The following CNIH3 variants were observed in gnomAD, a reference collection of about 807,000 sequenced individuals.
The protein encoded by CNIH3 is cornichon family AMPA receptor auxiliary protein 3, also known as protein cornichon homolog 3.
A neutral mutation model predicts 24.1 loss-of-function variants in CNIH3; 14 were observed. The ratio of observed to expected loss-of-function variants is 0.58; its 90% CI spans 0.38 to 0.91. The LOEUF is 0.91. Among genes scored for constraint, CNIH3 ranks in the 40% least tolerant of loss-of-function variants. The probability of loss-of-function intolerance (pLI) is 0.00; values close to 1 mark genes in which losing one functional copy is unlikely to be tolerated. For synonymous variants in CNIH3, 68 were observed against 73.8 expected (o/e 0.92, Z 0.40); for missense variants, 178 against 196.8 (o/e 0.90, Z 0.57).
chr1:224,537,658 C>T (rs984540329), downstream of CNIH3: 1 of 152,190 alleles, frequency 6.6e-6, no homozygotes, highest in Non-Finnish European at 1.5e-5. Flanking sequence ...TTAACCTTGG[C>T]AAAATAAACT....
At chr1:224,452,509 C>T (rs530347188) in intron 1 of CNIH3, among the ~76,000 whole-genome samples, 36 of 151,702 alleles carry the variant, frequency 2.4e-4, no homozygotes, top group South Asian at 1.0e-3. Context: ...TGGCCGGGCA[C>T]GGTGGCTCAC....
chr1:224,684,663 G>A lies in CNIH3; in HGVS notation c.151-133G>A, dbSNP rs1686565744. 2.6e-6 allele frequency: 2 copies of A among 759,906 alleles called. No individual in the cohort carries two copies. The highest frequency in any genetic ancestry group is 2.4e-6 in the Non-Finnish European group (1 of 423,420). The allele number at this position is 759,906 out of a possible 1,614,324, so 47.1% of individuals were successfully genotyped here. A position where few individuals can be genotyped will look rare whatever the true frequency, so the allele number is the denominator to read the frequency against. On this transcript the variant is annotated intron_variant, in intron 2 of 5. Transcript: ENST00000272133. The surrounding 1 kb of genome is among the most constrained non-coding windows in gnomAD (Gnocchi z 4.2). ...AGAAAAAGCCACTGGGTGGGAGCAT[G>A]CTGGCCATGTGCCCAGGAGGGGTCT...
At position 224,740,459 on chromosome 1, in the gene CNIH3, C is replaced by T. The variant is rs1689811271; in HGVS notation, c.*1103C>T. The T allele has an allele frequency of 1.3e-5, 2 of 152,166 alleles. No individual in the cohort carries two copies. Among genetic ancestry groups the T allele is most frequent in the Admixed American group, 1.3e-4 (2 of 15,278 alleles). The allele number at this position is 152,166 out of a possible 1,614,324, so 9.4% of individuals were successfully genotyped here. A position where few individuals can be genotyped will look rare whatever the true frequency, so the allele number is the denominator to read the frequency against. On this transcript the variant is annotated 3_prime_UTR_variant, in exon 6 of 6. Transcript: ENST00000272133. ...TACACAGGCTATTTATACACGTCCC[C>T]AGCTCCCATCTGAAACCTGTGACTC...
intron 3 of CNIH3, among the ~76,000 whole-genome samples, chr1:224,716,700 C>T (rs1688447206): frequency 6.6e-6 from 1 of 152,040 alleles, no homozygotes; most frequent in Admixed American, 6.6e-5. Context: ...AACTGGGAGG[C>T]ACTGTGATGG....
chr1:224,598,564 G>T (rs1037874479), intron 3 of CNIH3, among the ~76,000 whole-genome samples: 2 of 152,146 alleles, frequency 1.3e-5, no homozygotes, highest in African/African-American at 4.8e-5. Flanking sequence ...GATCTTTCAC[G>T]AAAGGAAGAG....
chr1:224,662,554 A>G (rs1424146126), intron 1 of CNIH3, among the ~76,000 whole-genome samples: 1 of 152,272 alleles, frequency 6.6e-6, no homozygotes, highest in African/African-American at 2.4e-5. Flanking sequence ...AAACCCAGAA[A>G]AAATATGTTG....
rs12562581 is a variant in CNIH3, at chr1:224,704,063, A to G, written c.198+19220A>G. 0.28 allele frequency among the ~76,000 whole-genome samples: 43,324 copies of G among 152,048 alleles called. 6,405 individuals carry two copies. The highest frequency in any genetic ancestry group is 0.4 in the East Asian group (2,077 of 5,158). Reference sequence around the variant, plus strand: ...CTTTGGTGGAGTGAGAACATGAACTACTGTTCAGGAGGTAGGGGCATGGAC... The same window carrying G: ...CTTTGGTGGAGTGAGAACATGAACTGCTGTTCAGGAGGTAGGGGCATGGAC... On this transcript the variant is annotated intron_variant, in intron 3 of 5. Coordinates refer to ENST00000272133, the MANE Select transcript of CNIH3 (RefSeq NM_152495.2). The surrounding 1 kb of genome is among the most constrained non-coding windows in gnomAD (Gnocchi z 4.2).
chr1:224,557,604 G>A (rs1334312698), intron 3 of CNIH3, among the ~76,000 whole-genome samples: 2 of 152,030 alleles, frequency 1.3e-5, no homozygotes, highest in Non-Finnish European at 2.9e-5. Context: ...CTACAGGCAC[G>A]TGCCACCATG....
chr1:224,564,930 G>A (rs1680520506), intron 3 of CNIH3, among the ~76,000 whole-genome samples: 1 of 152,228 alleles, frequency 6.6e-6, no homozygotes, highest in Non-Finnish European at 1.5e-5. Flanking sequence ...GAAGGTGGAT[G>A]GTTTAGGACC....
intron 4 of CNIH3, chr1:224,574,705 G>A (rs1680961379): frequency 1.7e-6 from 2 of 1,190,404 alleles, no homozygotes; most frequent in Non-Finnish European, 2.5e-6. Flanking sequence ...CTGGTGAAAG[G>A]AGCCTGCCAG....
intron 1 of CNIH3, among the ~76,000 whole-genome samples, chr1:224,637,118 AT>A (rs1177559584): frequency 1.3e-5 from 2 of 151,430 alleles, no homozygotes; most frequent in South Asian, 4.2e-4. Context: ...CGCCTGGCTA[AT>A]TTTTTTTGTA....
At position 224,740,082 on chromosome 1, in the gene CNIH3, A is replaced by G. The variant is rs1689795483; in HGVS notation, c.*726A>G. The G allele has an allele frequency of 6.6e-6, 1 of 152,266 alleles. No individual in the cohort carries two copies. The highest frequency in any genetic ancestry group is 1.5e-5 in the Non-Finnish European group (1 of 68,102). The allele number at this position is 152,266 out of a possible 1,614,324, so 9.4% of individuals were successfully genotyped here. On this transcript the variant is annotated 3_prime_UTR_variant, in exon 6 of 6. Coordinates refer to ENST00000272133, the MANE Select transcript of CNIH3 (RefSeq NM_152495.2). The stretch of plus-strand genomic sequence containing the variant: ...CCTCAAACCATCACAGAGTCTTTAA[A>G]TGCAAATCAATTGGTCAATGCTAGT...
intron 1 of CNIH3, among the ~76,000 whole-genome samples, chr1:224,445,769 A>G (rs1675136096): frequency 6.6e-6 from 1 of 152,100 alleles, no homozygotes; most frequent in African/African-American, 2.4e-5. Flanking sequence ...CCAGTTCATC[A>G]GTTCTCTTTA....
chr1:224,728,977 G>A (rs1002057106), intron 3 of CNIH3, among the ~76,000 whole-genome samples: 2 of 152,190 alleles, frequency 1.3e-5, no homozygotes, highest in African/African-American at 4.8e-5. Context: ...TGTATTGGAA[G>A]GTGGGAAGAG....
upstream of CNIH3, among the ~76,000 whole-genome samples, chr1:224,613,743 C>CTGAAA (rs1184691395): frequency 6.6e-6 from 1 of 152,232 alleles, no homozygotes; most frequent in Non-Finnish European, 1.5e-5. Flanking sequence ...CCTGCTCCTG[C>CTGAAA]TTCACCTTCT....
chr1:224,477,844 G>C (rs1195283390), intron 1 of CNIH3, among the ~76,000 whole-genome samples: 1 of 152,176 alleles, frequency 6.6e-6, no homozygotes, highest in African/African-American at 2.4e-5. Context: ...CTTGTAGGAA[G>C]GGTCTGGTAT....
At chr1:224,682,103 G>C (rs186982689) in intron 2 of CNIH3, among the ~76,000 whole-genome samples, 39 of 152,340 alleles carry the variant, frequency 2.6e-4, no homozygotes, top group Non-Finnish European at 4.4e-5. Flanking sequence ...TATGAAGAAG[G>C]ATATGCTTTT....
intron 2 of CNIH3, among the ~76,000 whole-genome samples, chr1:224,544,757 C>G (rs142777880): frequency 1.1e-4 from 17 of 152,302 alleles, no homozygotes; most frequent in African/African-American, 3.6e-4. Context: ...ACTACTACGA[C>G]CACCACCATT....
rs555017577 is a variant in CNIH3, at chr1:224,722,542, C to G, written c.199-7920C>G. 1.1e-4 allele frequency among the ~76,000 whole-genome samples: 17 copies of G among 152,152 alleles called. No homozygotes were observed. In the South Asian group the frequency reaches 1.9e-3, roughly 17 times the overall value. On this transcript the variant is annotated intron_variant, in intron 3 of 5. Transcript: ENST00000272133. ...AAAATTCTGCATTTCTAACAAGATC[C>G]CAGGAGAAACTGGATGCTGGAGCAG... is the stretch of plus-strand genomic sequence containing the variant.
Sources: allele counts gnomAD v4.1 joint callset (sites outside exome capture counted in the v4.1 genomes callset), GRCh38; gene constraint gnomAD v4.1.1; non-coding constraint Gnocchi (gnomAD v3.1); transcripts MANE v1.5; gene names NCBI Gene and HGNC (gene_info 2026-07-23, HGNC 2026-07-21).